STAB2: variants seen among roughly 807,000 people sequenced by gnomAD.
STAB2 encodes the protein stabilin-2.
Under a neutral mutation model 338.1 loss-of-function variants are expected in STAB2, and 288 were observed. The ratio of observed to expected loss-of-function variants is 0.85; its 90% confidence interval spans 0.77 to 0.94. The LOEUF is 0.94. STAB2 is among the 40% of genes least tolerant of loss of function. The pLI is 0.00. For missense variants in STAB2, 3,141 were observed against 3,210.1 expected (o/e 0.98, Z 0.52); for synonymous variants, 1,202 against 1,193.3 (o/e 1.01, Z -0.15).
At chr12:103,698,871 A>G (rs1459396587) in intron 33 of STAB2, among the ~76,000 whole-genome samples, 1 of 152,202 alleles carries the variant, frequency 6.6e-6, no homozygotes, top group Non-Finnish European at 1.5e-5. Context: ...GAATCCTCTA[A>G]TGAGTTCTTG....
chr12:103,763,467 C>G (rs1378489754), intron 67 of STAB2, 25 bp from the exon 68 acceptor site: 2 of 1,610,148 alleles, frequency 1.2e-6, no homozygotes, highest in Non-Finnish European at 8.5e-7. Context: ...ATGCTCCTGG[C>G]TTTCATGCTT....
At chr12:103,734,090 G>A (rs1228092653) in intron 51 of STAB2, among the ~76,000 whole-genome samples, 1 of 144,122 alleles carries the variant, frequency 6.9e-6, no homozygotes, top group Non-Finnish European at 1.5e-5. Flanking sequence ...TCACATGGGA[G>A]CATGCAGTCT....
Position 103,654,832 on chromosome 12 carries a change from G to A in STAB2, c.1551+134G>A, listed in dbSNP as rs1874059518. On this transcript the variant is annotated intron_variant, in intron 13 of 68. Coordinates refer to ENST00000388887, the MANE Select transcript of STAB2 (RefSeq NM_017564.10). Reference sequence around the variant, plus strand: ...AGGATCCCGAGCAGAGAGAAGAAGAGGTGGTTTGTCTGTTTCCAATAGAAA... The same window carrying A: ...AGGATCCCGAGCAGAGAGAAGAAGAAGTGGTTTGTCTGTTTCCAATAGAAA... The A allele has an allele frequency of 1.8e-5, 21 of 1,166,816 alleles. No individual in the cohort carries two copies. In the South Asian group the frequency reaches 3.6e-4, roughly 20 times the overall value. 72.3% of individuals were successfully genotyped at this position (1,166,816 alleles called of 1,614,324 possible). A position where few individuals can be genotyped will look rare whatever the true frequency, so the allele number is the denominator to read the frequency against.
Position 103,638,081 on chromosome 12 carries a change from C to T in STAB2, c.775C>T (p.Arg259Trp), listed in dbSNP as rs578254735. The T allele has an allele frequency of 5.0e-6, 8 of 1,614,182 alleles. No homozygotes were observed. The African/African-American group carries it at 5.3e-5, about 11-fold the overall frequency. ...TCATTGTACGTACCTGGGACCAAATCGGCACAGTTGTACATGCCAAGAAGG... is the reference window on the plus strand; with the variant it reads ...TCATTGTACGTACCTGGGACCAAATTGGCACAGTTGTACATGCCAAGAAGG... The part of the protein sequence containing the change: ...HAHCTYLGPN[R>W]HSCTCQEGYR... Residue 259 changes from arginine to tryptophan, a missense_variant, in exon 8 of 69, where the codon CGG (arginine) becomes TGG (tryptophan). Coordinates refer to ENST00000388887, the MANE Select transcript of STAB2 (RefSeq NM_017564.10).
chr12:103,714,501 A>G (rs1410939594), intron 42 of STAB2, among the ~76,000 whole-genome samples: 2 of 152,080 alleles, frequency 1.3e-5, no homozygotes, highest in Non-Finnish European at 2.9e-5. Flanking sequence ...AGTTCGAGAC[A>G]AGCCTGGCCA....
rs1036896871 is a variant in STAB2, at chr12:103,721,524, G to GGTCAAT, written c.4684-3441_4684-3436dup. 4.5e-4 allele frequency among the ~76,000 whole-genome samples: 68 copies of GGTCAAT among 152,212 alleles called. 2 individuals carry two copies. The highest frequency in any genetic ancestry group is 2.9e-5 in the Non-Finnish European group (2 of 68,040). On this transcript the variant is annotated intron_variant, in intron 44 of 68. Transcript: ENST00000388887. The stretch of plus-strand genomic sequence containing the variant: ...TAGGAAGCCACTGGATGATCATGTA[G>GGTCAAT]GTCAATGTCAATGTCTGGCTTGGCT...
At chr12:103,762,144 G>A in intron 66 of STAB2, 130 bp from the exon 67 acceptor site, 2 of 1,276,804 alleles carry the variant, frequency 1.6e-6, no homozygotes, top group Non-Finnish European at 2.2e-6. Flanking sequence ...CAGTAATAAG[G>A]GCCAGATACA....
At chr12:103,595,392 T>A (rs1956860006) in intron 3 of STAB2, among the ~76,000 whole-genome samples, 1 of 152,174 alleles carries the variant, frequency 6.6e-6, no homozygotes, top group Admixed American at 6.6e-5. Flanking sequence ...TATATACACT[T>A]GTAAAGTTTA....
chr12:103,700,986 TC>T (rs1440326565), intron 34 of STAB2, among the ~76,000 whole-genome samples: 1 of 144,396 alleles, frequency 6.9e-6, no homozygotes, highest in African/African-American at 2.6e-5. Flanking sequence ...CCCAATGCTA[TC>T]CCTCCCCCCT....
At chr12:103,715,991 G>T in intron 43 of STAB2, 103 bp downstream of exon 43, 4 of 1,208,956 alleles carry the variant, frequency 3.3e-6, no homozygotes, top group Non-Finnish European at 4.7e-6. Flanking sequence ...CCTCTAAAGA[G>T]CTGCAGCTGA....
At chr12:103,683,668 C>T (rs1038262026) in intron 26 of STAB2, among the ~76,000 whole-genome samples, 2 of 152,294 alleles carry the variant, frequency 1.3e-5, no homozygotes, top group African/African-American at 2.4e-5. Context: ...AACCTGGCAC[C>T]TCTAAACCAA....
intron 68 of STAB2, 33 bp downstream of exon 68, chr12:103,763,641 C>A: frequency 1.9e-6 from 3 of 1,574,438 alleles, no homozygotes; most frequent in Non-Finnish European, 2.6e-6. Flanking sequence ...GAATAGGTTC[C>A]CTTGGGGTAC....
chr12:103,667,743 T>C (rs1056381844), intron 19 of STAB2, among the ~76,000 whole-genome samples: 1 of 152,208 alleles, frequency 6.6e-6, no homozygotes, highest in African/African-American at 2.4e-5. Flanking sequence ...GAAAGTCTCA[T>C]TGCCCTCTTC....
chr12:103,740,510 C>G, intron 54 of STAB2, 120 bp from the exon 55 acceptor site: 8 of 1,398,520 alleles, frequency 5.7e-6, no homozygotes, highest in Non-Finnish European at 7.6e-6. Context: ...TTGGCTCACA[C>G]TGGAAGTCCC....
In STAB2 at chr12:103,762,304, ATCT is replaced by A. The variant is rs1884595181; in HGVS notation, c.7395_7397del (p.Phe2466del). 1.2e-6 allele frequency: 2 copies of A among 1,614,136 alleles called. No homozygotes were observed. The highest frequency in any genetic ancestry group is 2.2e-5 in the East Asian group (1 of 44,880). On this transcript the variant is annotated inframe_deletion, in exon 67 of 69. Transcript: ENST00000388887. ...GACCCACACTGGCTTGGGAGCAGGG[ATCT>A]TCTTTGCCATCATCCTGGTGACTGG...
chr12:103,652,746 C>A, intron 12 of STAB2, 41 bp downstream of exon 12: 1 of 1,507,042 alleles, frequency 6.6e-7, no homozygotes, highest in Admixed American at 2.2e-5. Context: ...ACTAAATTAT[C>A]CACCAAGCCA....
intron 56 of STAB2, among the ~76,000 whole-genome samples, chr12:103,744,933 C>T (rs1882899105): frequency 6.6e-6 from 1 of 152,096 alleles, no homozygotes; most frequent in Admixed American, 6.5e-5. Flanking sequence ...GACTGTAAGC[C>T]CCATGAGAAC....
intron 9 of STAB2, among the ~76,000 whole-genome samples, chr12:103,647,768 A>G (rs566683103): frequency 6.6e-6 from 1 of 152,342 alleles, no homozygotes; most frequent in East Asian, 1.9e-4. Flanking sequence ...GTTGTTAAAC[A>G]TTTATCAGCA....
rs770923847 is a variant in STAB2, at chr12:103,591,041, G to T, written c.215+11G>T. 7.4e-6 allele frequency: 12 copies of T among 1,612,820 alleles called. No individual in the cohort carries two copies. The highest frequency in any genetic ancestry group is 1.0e-5 in the Non-Finnish European group (12 of 1,179,718). ...GGTTCGAGATTGCAGGTACTCATGA[G>T]AAAATAAACGTGATGGAACTATGAA... On this transcript the variant is annotated intron_variant, in intron 2 of 68. Coordinates refer to ENST00000388887, the MANE Select transcript of STAB2 (RefSeq NM_017564.10).
Sources: allele counts gnomAD v4.1 joint callset (sites outside exome capture counted in the v4.1 genomes callset), GRCh38; gene constraint gnomAD v4.1.1; transcripts MANE v1.5; gene names NCBI Gene and HGNC (gene_info 2026-07-23, HGNC 2026-07-21).